Variants in MBNL3 observed in about 807,000 individuals in gnomAD.
MBNL3 encodes muscleblind-like protein 3.
MBNL3 carries 6 observed loss-of-function variants against 24.5 expected under a neutral mutation model. That is an observed-to-expected ratio of 0.25 (90% CI 0.13 to 0.48). The LOEUF (loss-of-function observed/expected upper bound fraction) is 0.48. MBNL3 is among the 20% of genes least tolerant of loss of function. The pLI is 0.99. For missense variants in MBNL3, 230 were observed against 293.5 expected (o/e 0.78, Z 1.58); for synonymous variants, 100 against 101.7 (o/e 0.98, Z 0.10).
chrX:132,428,993 C>G (rs1317670456), intron 2 of MBNL3, among the ~76,000 whole-genome samples: 1 of 111,968 alleles, frequency 8.9e-6, no homozygotes, highest in African/African-American at 3.2e-5. Flanking sequence ...TTCCAAATCT[C>G]TCCTACTTAA....
intron 1 of MBNL3, among the ~76,000 whole-genome samples, chrX:132,447,297 A>T (rs1402973331): frequency 8.9e-6 from 1 of 111,837 alleles, no homozygotes; most frequent in Non-Finnish European, 1.9e-5. Context: ...GAAGAAAGTC[A>T]GTGGTAGCTT....
intron 1 of MBNL3, among the ~76,000 whole-genome samples, chrX:132,466,727 T>G: frequency 9.0e-6 from 1 of 111,521 alleles, no homozygotes; most frequent in Non-Finnish European, 1.9e-5. Flanking sequence ...CTAGCTGATG[T>G]TTAGGAAGCA....
At chrX:132,442,885 A>T (rs1010347212) in intron 1 of MBNL3, among the ~76,000 whole-genome samples, 1 of 112,207 alleles carries the variant, frequency 8.9e-6, no homozygotes, top group Admixed American at 9.5e-5. Context: ...GAAGAAACTA[A>T]GTGCAACACT....
intron 2 of MBNL3, among the ~76,000 whole-genome samples, chrX:132,436,966 T>G (rs1945149456): frequency 8.9e-6 from 1 of 112,026 alleles, no homozygotes; most frequent in Non-Finnish European, 1.9e-5. Context: ...CTAGATACAG[T>G]GAGTAGACAA....
intron 1 of MBNL3, among the ~76,000 whole-genome samples, chrX:132,448,542 T>G (rs1030693685): frequency 5.4e-5 from 6 of 111,795 alleles, no homozygotes; most frequent in Non-Finnish European, 1.1e-4. Flanking sequence ...CTTTTCTTCT[T>G]TATTAGTCCG....
chrX:132,488,817 T>G (rs956585293), intron 1 of MBNL3, 34 bp downstream of exon 1: 2 of 112,975 alleles, frequency 1.8e-5, no homozygotes, highest in African/African-American at 6.4e-5. Flanking sequence ...GAAGGCAGCC[T>G]CTCTTACAAA....
rs982456544 is a variant in MBNL3 at position 132,386,750 on chromosome X, C to T, written c.833G>A (p.Gly278Asp). ...PKRSALEKPN[G>D]ATPVFNPTVF... ...AGTGGGATTAAAGACCGGGGTGGCA[C>T]CATTGGGCTTTTCCAGTGCTGATCT... The change falls in exon 6 of 9, where the codon GGT becomes GAT. Residue 278 changes from glycine to aspartate, a missense_variant. By Grantham distance (94) the Gly-to-Asp change is moderately conservative (BLOSUM62 -1). Coordinates refer to ENST00000370853, the MANE Select transcript of MBNL3 (RefSeq NM_001386889.1). 2 of 1,208,872 alleles carry T rather than the reference C, an allele frequency of 1.7e-6. No homozygotes were observed. The highest frequency in any genetic ancestry group is 2.2e-6 in the Non-Finnish European group (2 of 894,939).
chrX:132,382,040 T>C (rs1229795039), intron 8 of MBNL3, 138 bp downstream of exon 8: 6 of 510,966 alleles, frequency 1.2e-5, no homozygotes, highest in Non-Finnish European at 1.9e-5. Flanking sequence ...TTCTAGAATA[T>C]ACACAAAAAT....
chrX:132,422,920 A>G (rs765876412), intron 2 of MBNL3, among the ~76,000 whole-genome samples: 1 of 111,834 alleles, frequency 8.9e-6, no homozygotes, highest in Non-Finnish European at 1.9e-5. Context: ...GTCCAGGTGA[A>G]GTTGATGTTG....
chrX:132,425,105 TTTG>T (rs1044668677), intron 2 of MBNL3, among the ~76,000 whole-genome samples: 4 of 111,717 alleles, frequency 3.6e-5, no homozygotes, highest in Non-Finnish European at 7.5e-5. Context: ...ATTTTAAGGT[TTTG>T]TTGTTGTTGT....
Position 132,446,985 on chromosome X carries a change from A to G in MBNL3, c.-703-6671T>C, listed in dbSNP as rs1487801155. On this transcript the variant is annotated intron_variant, in intron 1 of 8. Coordinates refer to ENST00000370853, the MANE Select transcript of MBNL3 (RefSeq NM_001386889.1). ...TGCATATGGCTAGCCAGTTTTCTCA[A>G]TACCATTTATTAAATAGGGAATCCT... is the stretch of plus-strand genomic sequence containing the variant. 5.4e-5 allele frequency among the ~76,000 whole-genome samples: 6 copies of G among 111,800 alleles called. No individual in the cohort carries two copies. In the South Asian group the frequency reaches 2.2e-3, roughly 42 times the overall value.
intron 7 of MBNL3, 143 bp from the exon 8 acceptor site, chrX:132,382,415 T>C: frequency 2.4e-6 from 1 of 417,882 alleles, no homozygotes. Flanking sequence ...AGGGTGTTCA[T>C]GCAATCACAG....
intron 2 of MBNL3, among the ~76,000 whole-genome samples, chrX:132,434,189 G>A (rs1254961348): frequency 8.9e-6 from 1 of 112,450 alleles, no homozygotes; most frequent in East Asian, 2.8e-4. Context: ...CTCTGCAGTA[G>A]TATATGATAG....
chrX:132,415,526 G>A (rs1333475001), intron 2 of MBNL3, among the ~76,000 whole-genome samples: 1 of 111,637 alleles, frequency 9.0e-6, no homozygotes, highest in African/African-American at 3.3e-5. Flanking sequence ...GGGTAGATAT[G>A]GCTATTGATT....
At chrX:132,424,776 TC>T (rs1256154177) in intron 2 of MBNL3, among the ~76,000 whole-genome samples, 3 of 109,665 alleles carry the variant, frequency 2.7e-5, no homozygotes. Context: ...CCTCCTTTCC[TC>T]CTTCCTTCTT....
intron 1 of MBNL3, among the ~76,000 whole-genome samples, chrX:132,486,532 C>T (rs1368260424): frequency 8.9e-6 from 1 of 112,013 alleles, no homozygotes; most frequent in African/African-American, 3.3e-5. Context: ...GCAAGAGAAC[C>T]CTTTAGAAGC....
intron 1 of MBNL3, among the ~76,000 whole-genome samples, chrX:132,453,136 G>T (rs1421821589): frequency 9.0e-6 from 1 of 111,533 alleles, no homozygotes; most frequent in African/African-American, 3.3e-5. Flanking sequence ...GGTTTATACT[G>T]GGGAAGAGAA....
At chrX:132,382,099 CA>C (rs1935082949) in intron 8 of MBNL3, 78 bp downstream of exon 8, 1 of 845,348 alleles carries the variant, frequency 1.2e-6, no homozygotes, top group Non-Finnish European at 1.7e-6. Flanking sequence ...AGAATCTCAC[CA>C]ATCCAAAAAG....
intron 2 of MBNL3, among the ~76,000 whole-genome samples, chrX:132,434,766 C>T (rs749837364): frequency 8.9e-6 from 1 of 111,785 alleles, no homozygotes; most frequent in East Asian, 2.8e-4. Context: ...GAAAGTGTCA[C>T]AGGTTGGAGG....
Sources: allele counts gnomAD v4.1 joint callset (sites outside exome capture counted in the v4.1 genomes callset), GRCh38; gene constraint gnomAD v4.1.1; transcripts MANE v1.5; gene names NCBI Gene and HGNC (gene_info 2026-07-23, HGNC 2026-07-21).